LAIR1: variants seen among roughly 807,000 people sequenced by gnomAD.
LAIR1 encodes the protein leukocyte-associated immunoglobulin-like receptor 1.
Under a neutral mutation model 32.8 loss-of-function variants are expected in LAIR1, and 24 were observed. The ratio of observed to expected loss-of-function variants is 0.73; its 90% CI spans 0.53 to 1.03. The LOEUF (loss-of-function observed/expected upper bound fraction) is 1.03, where lower values mean the gene tolerates loss of function less well. Ranked by LOEUF, LAIR1 falls within the 50% of genes least tolerant of loss-of-function variation. The pLI is 0.00. For missense variants in LAIR1, 355 were observed against 347.5 expected, an observed-to-expected ratio of 1.02 and a Z score of -0.17; for synonymous variants, 150 against 140.5, an observed-to-expected ratio of 1.07 and a Z score of -0.48.
intron 4 of LAIR1, among the ~76,000 whole-genome samples, chr19:54,358,882 GC>G (rs2081865935): frequency 6.6e-6 from 1 of 152,052 alleles, no homozygotes; most frequent in Non-Finnish European, 1.5e-5. Context: ...CAATCTGGCT[GC>G]AGGAGGGTCT....
In LAIR1 at chr19:54,357,075, C is replaced by G. The variant is rs1207731445; in HGVS notation, c.416-109G>C. ...GGGATCTCCCTTCACTCCCCAGGAC[C>G]CTGACTGCTCCCTCTAGACCAGCAC... On this transcript the variant is annotated intron_variant, in intron 4 of 9. Transcript: ENST00000391742. 1.0e-5 allele frequency: 10 copies of G among 998,192 alleles called. No individual in the cohort carries two copies. In the East Asian group the frequency reaches 1.6e-4, roughly 16 times the overall value. 61.8% of individuals were successfully genotyped at this position (998,192 alleles called of 1,614,324 possible).
At chr19:54,370,200 G>A (rs1394968186) in intron 1 of LAIR1, 2 of 752,066 alleles carry the variant, frequency 2.7e-6, no homozygotes, top group African/African-American at 3.7e-5. Flanking sequence ...TTCCTGCCTG[G>A]GAGGACCCTT....
rs567489563 is a variant in LAIR1, at chr19:54,352,946, G to T, written c.*2322C>A. 1.3e-5 allele frequency: 2 copies of T among 152,286 alleles called. No individual in the cohort carries two copies. Among genetic ancestry groups the T allele is most frequent in the South Asian group, 4.2e-4 (2 of 4,818 alleles). The allele number at this position is 152,286 out of a possible 1,614,324, so 9.4% of individuals were successfully genotyped here. On this transcript the variant is annotated 3_prime_UTR_variant, in exon 10 of 10. Coordinates refer to ENST00000391742, the MANE Select transcript of LAIR1 (RefSeq NM_002287.6). ...GGCTGAGGTGGGCAGATCACCTGAG[G>T]TCGGGAGTTCAAGACCAGCCTGAGC...
At chr19:54,359,521 T>TC in intron 4 of LAIR1, among the ~76,000 whole-genome samples, 1 of 151,836 alleles carries the variant, frequency 6.6e-6, no homozygotes, top group Non-Finnish European at 1.5e-5. Flanking sequence ...AGCAGCCCCG[T>TC]CCCTCTCCGG....
chr19:54,363,197 G>T (rs1427994972), intron 2 of LAIR1, among the ~76,000 whole-genome samples: 1 of 152,064 alleles, frequency 6.6e-6, no homozygotes, highest in East Asian at 1.9e-4. Flanking sequence ...GCCTCGGGGA[G>T]CCACGGAGGG....
At chr19:54,359,242 A>C (rs2081887801) in intron 4 of LAIR1, among the ~76,000 whole-genome samples, 1 of 151,770 alleles carries the variant, frequency 6.6e-6, no homozygotes, top group Non-Finnish European at 1.5e-5. Context: ...CAGGTGGGGA[A>C]GGGGCCGCGA....
At chr19:54,371,329 A>G (rs2082401486), upstream of LAIR1, among the ~76,000 whole-genome samples, 1 of 151,422 alleles carries the variant, frequency 6.6e-6, no homozygotes, top group Non-Finnish European at 1.5e-5. Flanking sequence ...TATTTATTTA[A>G]GGTGGGTCAC....
chr19:54,370,535 T>C (rs1015725015), exon 1 of LAIR1: 2 of 392,792 alleles, frequency 5.1e-6, no homozygotes, highest in Admixed American at 4.3e-5. Flanking sequence ...GTGTCATAGA[T>C]GTGAAAAAGC....
chr19:54,375,926 G>A, the LAIR1 span, among the ~76,000 whole-genome samples: 1 of 151,708 alleles, frequency 6.6e-6, no homozygotes, highest in South Asian at 2.1e-4. Flanking sequence ...ACAATGGAAG[G>A]CTCACTTCTC....
In LAIR1 at chr19:54,361,064, T is replaced by G; in HGVS notation, c.216A>C (p.Glu72Asp). ...CAGATGGACTAGCTTGAGACACATC[T>G]TCAGTATCATTGTATGTGGATCTAC... is the stretch of plus-strand genomic sequence containing the variant. ...RDSRSTYNDT[E>D]DVSQASPSES... The change falls in exon 3 of 10, where the codon GAA becomes GAC. Residue 72 changes from glutamate to aspartate, a missense_variant. By Grantham distance (45) the Glu-to-Asp change is conservative (BLOSUM62 2). Coordinates refer to ENST00000391742, the MANE Select transcript of LAIR1 (RefSeq NM_002287.6). The G allele has an allele frequency of 6.2e-7, 1 of 1,614,190 alleles. No individual in the cohort carries two copies.
chr19:54,363,752 T>A (rs989784524), intron 2 of LAIR1, among the ~76,000 whole-genome samples: 1 of 152,182 alleles, frequency 6.6e-6, no homozygotes, highest in Non-Finnish European at 1.5e-5. Context: ...GAAAAGTTGA[T>A]CACCCGGAAG....
rs954350465 is a variant in LAIR1 at position 54,355,042 on chromosome 19, A to G, written c.*226T>C. On this transcript the variant is annotated 3_prime_UTR_variant, in exon 10 of 10. Coordinates refer to ENST00000391742, the MANE Select transcript of LAIR1 (RefSeq NM_002287.6). The surrounding 1 kb of genome is among the most constrained non-coding windows in gnomAD (Gnocchi z 4.7). ...CTGGGTCTCTGGAAATAACTGAGAA[A>G]CAGTCTGTCCAAGGAGCTGCTCGAT... is the stretch of plus-strand genomic sequence containing the variant. 7.1e-6 allele frequency: 3 copies of G among 419,620 alleles called. No homozygotes were observed. The Admixed American group carries it at 1.3e-4, about 18-fold the overall frequency. The allele number at this position is 419,620 out of a possible 1,614,324, so 26.0% of individuals were successfully genotyped here.
chr19:54,363,076 A>G (rs2082102287), intron 2 of LAIR1, among the ~76,000 whole-genome samples: 2 of 151,972 alleles, frequency 1.3e-5, no homozygotes, highest in African/African-American at 2.4e-5. Flanking sequence ...ATTTTTGAAT[A>G]CAATTTAAAA....
chr19:54,376,024 T>C, the LAIR1 span, among the ~76,000 whole-genome samples: 1 of 151,616 alleles, frequency 6.6e-6, no homozygotes, highest in East Asian at 1.9e-4. Context: ...CTTCCAACTT[T>C]GGGGTCCAAC....
At chr19:54,361,763 C>T (rs965744173) in intron 2 of LAIR1, among the ~76,000 whole-genome samples, 24 of 151,338 alleles carry the variant, frequency 1.6e-4, no homozygotes, top group Non-Finnish European at 2.5e-4. Context: ...ATGCCCAGCC[C>T]GTGACAGGTC....
chr19:54,360,784 A>AAG, intron 3 of LAIR1, 132 bp downstream of exon 3: 2 of 640,056 alleles, frequency 3.1e-6, no homozygotes, highest in South Asian at 3.5e-5. Context: ...GAAGAAGGGG[A>AAG]GGGGAGGGCT....
chr19:54,357,531 C>G (rs56748549), intron 4 of LAIR1: 3,132 of 153,984 alleles, frequency 0.02, 113 homozygotes, highest in African/African-American at 0.071. Flanking sequence ...ATGTGCTCCT[C>G]TTTCCTGAAG....
At chr19:54,356,782 C>G in intron 5 of LAIR1, 146 bp downstream of exon 5, 3 of 1,185,598 alleles carry the variant, frequency 2.5e-6, no homozygotes, top group Admixed American at 2.2e-5. Context: ...CTTCCACCAC[C>G]GGGGTCCTGA....
upstream of LAIR1, among the ~76,000 whole-genome samples, chr19:54,372,611 C>T (rs2082435141): frequency 6.6e-6 from 1 of 150,434 alleles, no homozygotes; most frequent in Non-Finnish European, 1.5e-5. Context: ...ATGCCTCAGC[C>T]TCGTGAGTAA....
Sources: allele counts gnomAD v4.1 joint callset (sites outside exome capture counted in the v4.1 genomes callset), GRCh38; gene constraint gnomAD v4.1.1; non-coding constraint Gnocchi (gnomAD v3.1); transcripts MANE v1.5; gene names NCBI Gene and HGNC (gene_info 2026-07-23, HGNC 2026-07-21).